Variants in NEK7 observed in about 807,000 individuals in gnomAD.
NEK7 encodes the protein serine/threonine-protein kinase Nek7.
In NEK7, 18 loss-of-function variants were observed where a neutral mutation model predicts 44.6. The ratio of observed to expected loss-of-function variants is 0.40; its 90% confidence interval spans 0.28 to 0.60. The LOEUF (loss-of-function observed/expected upper bound fraction) is 0.60, where lower values mean the gene tolerates loss of function less well. Ranked by LOEUF, NEK7 falls within the 20% of genes least tolerant of loss-of-function variation. The pLI is 0.38. For missense variants in NEK7, 256 were observed against 366.5 expected (o/e 0.70, Z 2.46); for synonymous variants, 130 against 121.1 (o/e 1.07, Z -0.48).
At chr1:198,264,612 T>G (rs199501001) in intron 5 of NEK7, among the ~76,000 whole-genome samples, 1 of 69,302 alleles carries the variant, frequency 1.4e-5, no homozygotes, top group East Asian at 4.4e-3. Flanking sequence ...ACCTGTTTCT[T>G]GGGGGGGAAT....
chr1:198,293,190 T>A, intron 8 of NEK7, 151 bp downstream of exon 8: 1 of 508,898 alleles, frequency 2.0e-6, no homozygotes, highest in Non-Finnish European at 3.4e-6. Flanking sequence ...CTTTGTATAA[T>A]GGAATTTAAT....
At chr1:198,305,018 T>TTA (rs1243832200) in intron 9 of NEK7, among the ~76,000 whole-genome samples, 1 of 152,154 alleles carries the variant, frequency 6.6e-6, no homozygotes, top group Non-Finnish European at 1.5e-5. Context: ...AAAACAATTT[T>TTA]TATAAAAGCA....
chr1:198,243,124 T>G (rs1666736239), intron 2 of NEK7, among the ~76,000 whole-genome samples: 1 of 152,228 alleles, frequency 6.6e-6, no homozygotes, highest in Non-Finnish European at 1.5e-5. Context: ...CTATGGCTTC[T>G]TTCCTTTCTT....
chr1:198,198,116 G>T, intron 1 of NEK7: 1 of 1,129,096 alleles, frequency 8.9e-7, no homozygotes, highest in Admixed American at 2.2e-5. Flanking sequence ...GGCAGGATTG[G>T]AACCTCCAGG....
intron 9 of NEK7, among the ~76,000 whole-genome samples, 156 bp from the exon 10 acceptor site, chr1:198,319,256 G>A (rs1655466680): frequency 6.6e-6 from 1 of 152,118 alleles, no homozygotes; most frequent in African/African-American, 2.4e-5. Context: ...TAAGATCATT[G>A]GCAGCAGTCT....
At chr1:198,158,502 T>G (rs1663988281) in intron 1 of NEK7, among the ~76,000 whole-genome samples, 1 of 152,188 alleles carries the variant, frequency 6.6e-6, no homozygotes, top group African/African-American at 2.4e-5. Flanking sequence ...GTACAGAGTA[T>G]GTGTATTATA....
At chr1:198,220,302 G>T (rs1353732643) in intron 1 of NEK7, among the ~76,000 whole-genome samples, 1 of 151,830 alleles carries the variant, frequency 6.6e-6, no homozygotes, top group Admixed American at 6.6e-5. Flanking sequence ...AAATGTTTCA[G>T]ACTCAGCTTG....
intron 1 of NEK7, among the ~76,000 whole-genome samples, chr1:198,165,145 A>C (rs926700624): frequency 4.6e-5 from 7 of 152,232 alleles, no homozygotes; most frequent in African/African-American, 1.7e-4. Context: ...CCACATTTGT[A>C]GTGACTTCCT....
chr1:198,191,362 A>G (rs570317865), intron 1 of NEK7, among the ~76,000 whole-genome samples: 1 of 152,136 alleles, frequency 6.6e-6, no homozygotes, highest in Admixed American at 6.5e-5. Flanking sequence ...TCTGATAAGT[A>G]TGAAGTGGTA....
chr1:198,300,627 A>G (rs940657712), intron 9 of NEK7, among the ~76,000 whole-genome samples: 10 of 152,166 alleles, frequency 6.6e-5, no homozygotes, highest in African/African-American at 2.4e-4. Flanking sequence ...CAGACTGTCA[A>G]GCTCCTGCCC....
chr1:198,272,647 T>A (rs1653891610), intron 5 of NEK7, among the ~76,000 whole-genome samples: 1 of 151,890 alleles, frequency 6.6e-6, no homozygotes, highest in South Asian at 2.1e-4. Flanking sequence ...CTATCACTAG[T>A]ACTCTGATGC....
chr1:198,238,609 C>CATTTAATCCTAACATAAACCAT (rs1238583035), intron 2 of NEK7, among the ~76,000 whole-genome samples: 13 of 152,296 alleles, frequency 8.5e-5, no homozygotes, highest in African/African-American at 3.1e-4. Context: ...AACATTGCCT[C>CATTTAATCCTAACATAAACCAT]ATTTAATCCT....
intron 1 of NEK7, among the ~76,000 whole-genome samples, chr1:198,227,613 T>C (rs1406008698): frequency 2.6e-5 from 4 of 152,274 alleles, no homozygotes; most frequent in Non-Finnish European, 4.4e-5. Flanking sequence ...ATTTCTGTGA[T>C]GGCTAGTGAT....
At chr1:198,174,544 C>A (rs1286050234) in intron 1 of NEK7, among the ~76,000 whole-genome samples, 1 of 152,048 alleles carries the variant, frequency 6.6e-6, no homozygotes, top group Non-Finnish European at 1.5e-5. Flanking sequence ...TAAATAGACT[C>A]TTGTTATGAC....
chr1:198,290,584 A>G (rs1052273948), intron 7 of NEK7, among the ~76,000 whole-genome samples: 3 of 152,142 alleles, frequency 2.0e-5, no homozygotes, highest in African/African-American at 7.2e-5. Flanking sequence ...GAAGCGTGTC[A>G]GGAGACAGTA....
chr1:198,206,980 A>G (rs1216149927), intron 1 of NEK7: 2 of 152,160 alleles, frequency 1.3e-5, no homozygotes, highest in African/African-American at 2.4e-5. Flanking sequence ...GTCCATTCTA[A>G]TTCAGTGAAT....
chr1:198,194,486 T>TCTCTATGTGGCTGTTGTTTCC (rs2102774928), intron 1 of NEK7, among the ~76,000 whole-genome samples: 2 of 116,572 alleles, frequency 1.7e-5, no homozygotes, highest in Admixed American at 1.7e-4. Context: ...CTGTTGTTTC[T>TCTCTATGTGGCTGTTGTTTCC]CTCTATGTGT....
intron 1 of NEK7, among the ~76,000 whole-genome samples, chr1:198,185,619 C>T (rs954452049): frequency 3.9e-5 from 6 of 152,190 alleles, no homozygotes; most frequent in Admixed American, 1.3e-4. Context: ...CACCTCTGAC[C>T]ATCCATGAAA....
At chr1:198,165,451 T>C (rs1664236677) in intron 1 of NEK7, among the ~76,000 whole-genome samples, 1 of 152,218 alleles carries the variant, frequency 6.6e-6, no homozygotes, top group Non-Finnish European at 1.5e-5. Context: ...GTTGTGTCAG[T>C]AGGCATGAAA....
Sources: gnomAD v4.1 joint callset for allele counts (sites outside exome capture counted in the v4.1 genomes callset) on GRCh38, gnomAD v4.1.1 for gene constraint, MANE v1.5 for transcripts, NCBI Gene and HGNC (gene_info 2026-07-23, HGNC 2026-07-21) for gene names.